The following OR51M1 variants were observed in gnomAD, a reference collection of about 807,000 sequenced individuals.
OR51M1 encodes olfactory receptor 51M1.
For missense variants in OR51M1, 509 were observed against 404.4 expected, an observed-to-expected ratio of 1.26 and a Z score of -2.22; for synonymous variants, 199 against 155.1, an observed-to-expected ratio of 1.28 and a Z score of -2.10.
Position 5,391,742 on chromosome 11 carries a change from T to A in OR51M1, c.*1363T>A, listed in dbSNP as rs527664695. On this transcript the variant is annotated 3_prime_UTR_variant, in exon 3 of 3. Transcript: ENST00000642046. Reference sequence around the variant, plus strand: ...ATTCTCCTACAGGTTAAAATTACCATGAGGCCAGGCACGGTGGCTTATGCT... The same window carrying A: ...ATTCTCCTACAGGTTAAAATTACCAAGAGGCCAGGCACGGTGGCTTATGCT... 1 of 147,318 alleles carries A rather than the reference T, an allele frequency of 6.8e-6. No homozygotes were observed. Among genetic ancestry groups the A allele is most frequent in the Non-Finnish European group, 1.5e-5 (1 of 67,042 alleles). 9.1% of individuals were successfully genotyped at this position (147,318 alleles called of 1,614,324 possible).
At chr11:5,386,596 A>C (rs1849699241) in intron 2 of OR51M1, among the ~76,000 whole-genome samples, 1 of 151,968 alleles carries the variant, frequency 6.6e-6, no homozygotes, top group African/African-American at 2.4e-5. Context: ...AAGTACTGAA[A>C]ACAGTGCAGT....
chr11:5,389,751 C>G lies in OR51M1; in HGVS notation c.353C>G (p.Ser118Cys). ...CAAATCCAGATGTTCTGCATCCACT[C>G]TTTTTCCTTCATGGAGTCCTCAGTG... ...ACQIQMFCIH[S>C]FSFMESSVLL... Residue 118 changes from serine (S) to cysteine (C), a missense_variant, in exon 3 of 3, where the codon TCT (serine) becomes TGT (cysteine). By Grantham distance (112) the Ser-to-Cys change is moderately radical (BLOSUM62 -1). Transcript: ENST00000642046. 1 of 1,613,996 alleles carries G rather than the reference C, an allele frequency of 6.2e-7. No homozygotes were observed. Among genetic ancestry groups the G allele is most frequent in the Non-Finnish European group, 8.5e-7 (1 of 1,179,896 alleles).
At position 5,388,128 on chromosome 11, in the gene OR51M1, A is replaced by C. The variant is rs548484850; in HGVS notation, c.-15-1256A>C. 3.5e-4 allele frequency among the ~76,000 whole-genome samples: 54 copies of C among 152,174 alleles called. 1 individual carries two copies. Among genetic ancestry groups the C allele is most frequent in the Non-Finnish European group, 2.9e-5 (2 of 68,030 alleles). On this transcript the variant is annotated intron_variant, in intron 2 of 2. Coordinates refer to ENST00000642046, the MANE Select transcript of OR51M1 (RefSeq NM_001004756.3). ...GAAATAATTGAATATTGAAATAATTATTGAAATAAGATTAATGGTAATGAT... is the reference window on the plus strand; with the variant it reads ...GAAATAATTGAATATTGAAATAATTCTTGAAATAAGATTAATGGTAATGAT...
In OR51M1 at chr11:5,390,993, T is replaced by C. The variant is rs917207834; in HGVS notation, c.*614T>C. On this transcript the variant is annotated 3_prime_UTR_variant, in exon 3 of 3. Coordinates refer to ENST00000642046, the MANE Select transcript of OR51M1 (RefSeq NM_001004756.3). The stretch of plus-strand genomic sequence containing the variant: ...CATATTCCTCTAGAAGAAGAGACTT[T>C]GATCCTATCCTTGACTCCTCTCATC... The C allele has an allele frequency of 1.3e-5, 2 of 152,374 alleles. No homozygotes were observed. Among genetic ancestry groups the C allele is most frequent in the Admixed American group, 1.3e-4 (2 of 15,290 alleles). 9.4% of individuals were successfully genotyped at this position (152,374 alleles called of 1,614,324 possible).
intron 1 of OR51M1, 126 bp from the exon 2 acceptor site, chr11:5,385,227 G>A (rs1304516187): frequency 6.6e-6 from 1 of 152,142 alleles, no homozygotes; most frequent in East Asian, 1.9e-4. Flanking sequence ...ATGAAAAAAT[G>A]ACTGTTGCTC....
intron 2 of OR51M1, among the ~76,000 whole-genome samples, chr11:5,387,234 G>C (rs753871514): frequency 6.6e-6 from 1 of 152,094 alleles, no homozygotes; most frequent in Non-Finnish European, 1.5e-5. Flanking sequence ...AATTTCTAGA[G>C]AGAGCTCTAA....
rs760452780 is a variant in OR51M1 at position 5,390,400 on chromosome 11, C to T, written c.*21C>T. On this transcript the variant is annotated 3_prime_UTR_variant, in exon 3 of 3. Transcript: ENST00000642046. ...AATGAGTCCTGGGGCTAAAACTCCC[C>T]CTAGAGGCCTATAAGAAGGCCCCAA... 3 of 1,542,212 alleles carry T rather than the reference C, an allele frequency of 1.9e-6. No homozygotes were observed. The highest frequency in any genetic ancestry group is 4.0e-5 in the Admixed American group (2 of 49,842).
At position 5,391,424 on chromosome 11, in the gene OR51M1, A is replaced by G. The variant is rs549899863; in HGVS notation, c.*1045A>G. 1 of 152,344 alleles carries G rather than the reference A, an allele frequency of 6.6e-6. No homozygotes were observed. Among genetic ancestry groups the G allele is most frequent in the East Asian group, 1.9e-4 (1 of 5,190 alleles). The allele number at this position is 152,344 out of a possible 1,614,324, so 9.4% of individuals were successfully genotyped here. ...AAGGTGTGTGCATGTGTCCATTAGA[A>G]TGACTAAATCAAGATCCCTGGAGGA... On this transcript the variant is annotated 3_prime_UTR_variant, in exon 3 of 3. Transcript: ENST00000642046.
chr11:5,387,747 A>G (rs1849721053), intron 2 of OR51M1, among the ~76,000 whole-genome samples: 1 of 137,846 alleles, frequency 7.3e-6, no homozygotes, highest in Non-Finnish European at 1.6e-5. Flanking sequence ...TTTCCCTAAG[A>G]TAGCCACACA....
Position 5,389,365 on chromosome 11 carries a change from A to C in OR51M1, c.-15-19A>C, listed in dbSNP as rs998561794. On this transcript the variant is annotated intron_variant, in intron 2 of 2. Transcript: ENST00000642046. The stretch of plus-strand genomic sequence containing the variant: ...TGAAGCTGAAGAATTAATAACCAGA[A>C]ATATCCATTTATTTTCAGCTCAATC... 6.3e-7 allele frequency: 1 copy of C among 1,593,412 alleles called. No homozygotes were observed. The highest frequency in any genetic ancestry group is 1.3e-5 in the African/African-American group (1 of 74,528).
intron 2 of OR51M1, among the ~76,000 whole-genome samples, chr11:5,386,412 T>C (rs7113120): frequency 3.0e-4 from 45 of 152,302 alleles, no homozygotes; most frequent in African/African-American, 1.1e-3. Flanking sequence ...ATTGTTTACC[T>C]TTTTGTAGTT....
chr11:5,385,201 C>T (rs898166199), intron 1 of OR51M1, among the ~76,000 whole-genome samples, 152 bp from the exon 2 acceptor site: 1 of 152,108 alleles, frequency 6.6e-6, no homozygotes, highest in African/African-American at 2.4e-5. Flanking sequence ...GTGGACTCCT[C>T]CATTGCTTAG....
In OR51M1 at chr11:5,388,119, G is replaced by A. The variant is rs565848008; in HGVS notation, c.-15-1265G>A. ...ATAATTATTGAAATAATTGAATATT[G>A]AAATAATTATTGAAATAAGATTAAT... On this transcript the variant is annotated intron_variant, in intron 2 of 2. Transcript: ENST00000642046. 2.3e-3 allele frequency among the ~76,000 whole-genome samples: 349 copies of A among 151,964 alleles called. 2 individuals are homozygous for A. Among genetic ancestry groups the A allele is most frequent in the African/African-American group, 8.1e-3 (335 of 41,462 alleles).
intron 2 of OR51M1, among the ~76,000 whole-genome samples, chr11:5,386,161 T>G (rs959946616): frequency 1.3e-5 from 2 of 151,982 alleles, no homozygotes; most frequent in Admixed American, 1.3e-4. Flanking sequence ...ACAGGGGTGG[T>G]TTTTGCCAAG....
In OR51M1 at chr11:5,390,098, C is replaced by G. The variant is rs763543707; in HGVS notation, c.700C>G (p.Leu234Val). 6 of 1,613,670 alleles carry G rather than the reference C, an allele frequency of 3.7e-6. No homozygotes were observed. The Admixed American group carries it at 1.0e-4, about 27-fold the overall frequency. The change falls in exon 3 of 3, where the codon CTG (leucine) becomes GTG (valine). Residue 234 changes from leucine to valine, a missense_variant. Physicochemically the swap from Leu to Val is conservative, Grantham distance 32. Coordinates refer to ENST00000642046, the MANE Select transcript of OR51M1 (RefSeq NM_001004756.3). ...VLIALSYGLI[L>V]HTVAGLASQE... ...CATCGCACTGTCCTATGGACTCATC[C>G]TGCACACAGTAGCAGGCCTGGCCTC...
Position 5,390,168 on chromosome 11 carries a change from T to C in OR51M1, c.770T>C (p.Leu257Pro). ...RRAFQTCTAP[L>P]CAVLVFFVPM... Reference sequence around the variant, plus strand: ...GCCTTTCAGACATGCACCGCTCCTCTCTGTGCTGTGCTAGTATTCTTTGTG... The same window carrying C: ...GCCTTTCAGACATGCACCGCTCCTCCCTGTGCTGTGCTAGTATTCTTTGTG... Residue 257 changes from leucine to proline, a missense_variant, in exon 3 of 3, where the codon CTC becomes CCC. Physicochemically the swap from Leu to Pro is moderately conservative, Grantham distance 98. Coordinates refer to ENST00000642046, the MANE Select transcript of OR51M1 (RefSeq NM_001004756.3). 6.2e-7 allele frequency: 1 copy of C among 1,613,632 alleles called. No individual in the cohort carries two copies. The highest frequency in any genetic ancestry group is 8.5e-7 in the Non-Finnish European group (1 of 1,179,754).
In OR51M1 at chr11:5,389,490, G is replaced by A. The variant is rs752639421; in HGVS notation, c.92G>A (p.Gly31Glu). 8.7e-6 allele frequency: 14 copies of A among 1,613,816 alleles called. No homozygotes were observed. The highest frequency in any genetic ancestry group is 1.2e-5 in the Non-Finnish European group (14 of 1,179,864). Reference sequence around the variant, plus strand: ...ATATTCTATCTCACCAGCTTTCCTGGATTGGAAGGCATCAAACACTGGATT... The same window carrying A: ...ATATTCTATCTCACCAGCTTTCCTGAATTGGAAGGCATCAAACACTGGATT... The part of the protein sequence containing the change: ...SPIFYLTSFP[G>E]LEGIKHWIFI... The change falls in exon 3 of 3, where the codon GGA (glycine) becomes GAA (glutamate). Residue 31 changes from glycine (G) to glutamate (E), a missense_variant. Coordinates refer to ENST00000642046, the MANE Select transcript of OR51M1 (RefSeq NM_001004756.3).
In OR51M1 at chr11:5,389,524, CTTTTTCT is replaced by C; in HGVS notation, c.129_135del (p.Phe43LeufsTer14). 1 of 1,613,968 alleles carries C rather than the reference CTTTTTCT, an allele frequency of 6.2e-7. No homozygotes were observed. The highest frequency in any genetic ancestry group is 8.5e-7 in the Non-Finnish European group (1 of 1,179,894). Reference sequence around the variant, plus strand: ...GCATCAAACACTGGATTTTCATCCCCTTTTTCTTTATGTACATGGTTGCCATCTCAGG... The same window carrying C: ...GCATCAAACACTGGATTTTCATCCCCTTATGTACATGGTTGCCATCTCAGG... On this transcript the variant is annotated frameshift_variant, in exon 3 of 3. Transcript: ENST00000642046. LOFTEE classifies it low-confidence loss of function (END_TRUNC).
rs267602949 is a variant in OR51M1, at chr11:5,389,746, C to G, written c.348C>G (p.Ile116Met). The change falls in exon 3 of 3, where the codon ATC becomes ATG. Residue 116 changes from isoleucine to methionine, a missense_variant. By Grantham distance (10) the Ile-to-Met change is conservative. Transcript: ENST00000642046. ...CGTGTCAAATCCAGATGTTCTGCAT[C>G]CACTCTTTTTCCTTCATGGAGTCCT... ...FGACQIQMFC[I>M]HSFSFMESSV... 19 of 1,613,842 alleles carry G rather than the reference C, an allele frequency of 1.2e-5. No homozygotes were observed. Among genetic ancestry groups the G allele is most frequent in the South Asian group, 2.2e-5 (2 of 91,092 alleles).
Sources: gnomAD v4.1 joint callset for allele counts (sites outside exome capture counted in the v4.1 genomes callset) on GRCh38, gnomAD v4.1.1 for gene constraint, MANE v1.5 for transcripts, NCBI Gene and HGNC (gene_info 2026-07-23, HGNC 2026-07-21) for gene names.